Variants in UBE2E1 observed in about 807,000 individuals in gnomAD.
UBE2E1 encodes ubiquitin conjugating enzyme E2 E1, also known as ubiquitin-conjugating enzyme E2 E1.
UBE2E1 carries 6 observed loss-of-function variants against 21.4 expected under a neutral mutation model. The observed-to-expected ratio is 0.28, with a 90% CI of 0.15 to 0.55. The LOEUF is 0.55. Among genes scored for constraint, UBE2E1 ranks in the 20% least tolerant of loss-of-function variants. UBE2E1 has a pLI of 0.93. For synonymous variants in UBE2E1, 87 were observed against 82.7 expected (o/e 1.05, Z -0.28); for missense variants, 142 against 236.5 (o/e 0.60, Z 2.62).
chr3:23,813,909 A>G (rs1699456778), intron 3 of UBE2E1, among the ~76,000 whole-genome samples: 1 of 152,224 alleles, frequency 6.6e-6, no homozygotes, highest in Admixed American at 6.5e-5. Flanking sequence ...AAGTGCGTAC[A>G]TGTTTAAAAT....
chr3:23,853,630 G>T lies in UBE2E1; in HGVS notation c.204-33937G>T, dbSNP rs751988674. ...CAATTCAGTCTTTAAATGCATATAG[G>T]AGAGTTGGAGGGGAGAGGAGACACT... On this transcript the variant is annotated intron_variant, in intron 3 of 5. Transcript: ENST00000306627. This position sits in a 1 kb window ranked among gnomAD's most constrained non-coding sequence, Gnocchi z 4.1. 2.0e-5 allele frequency among the ~76,000 whole-genome samples: 3 copies of T among 152,166 alleles called. No homozygotes were observed. Among genetic ancestry groups the T allele is most frequent in the Non-Finnish European group, 2.9e-5 (2 of 68,000 alleles).
chr3:23,874,827 C>T (rs1432514118), intron 3 of UBE2E1, among the ~76,000 whole-genome samples: 1 of 152,218 alleles, frequency 6.6e-6, no homozygotes, highest in Non-Finnish European at 1.5e-5. Flanking sequence ...ATTCTAATCA[C>T]TGCCGTACCC....
intron 3 of UBE2E1, among the ~76,000 whole-genome samples, chr3:23,812,831 G>C (rs1319254235): frequency 6.6e-6 from 1 of 152,132 alleles, no homozygotes; most frequent in Non-Finnish European, 1.5e-5. Context: ...ATTCCCCAAG[G>C]TGGTTCTGTG....
intron 3 of UBE2E1, among the ~76,000 whole-genome samples, chr3:23,875,752 TC>T (rs1443869799): frequency 2.0e-5 from 3 of 152,202 alleles, no homozygotes; most frequent in Non-Finnish European, 4.4e-5. Flanking sequence ...CAGTATAACT[TC>T]CTTGATACAG....
At chr3:23,877,599 G>A (rs1415199151) in intron 3 of UBE2E1, among the ~76,000 whole-genome samples, 2 of 152,190 alleles carry the variant, frequency 1.3e-5, no homozygotes, top group Non-Finnish European at 2.9e-5. Context: ...GGGTGGGGTA[G>A]GAGGCAAAAT....
At chr3:23,873,183 G>A (rs73825170) in intron 3 of UBE2E1, among the ~76,000 whole-genome samples, 27,390 of 151,180 alleles carry the variant, frequency 0.18, 2,493 homozygotes, top group Non-Finnish European at 0.2. Flanking sequence ...CAGTACAAAT[G>A]TGAGAAAATG....
chr3:23,839,515 C>T (rs1158794267), intron 3 of UBE2E1, among the ~76,000 whole-genome samples: 1 of 151,612 alleles, frequency 6.6e-6, no homozygotes, highest in Non-Finnish European at 1.5e-5. Context: ...TTTATATTTT[C>T]CACACATTTA....
chr3:23,809,135 A>G (rs1699336177), intron 2 of UBE2E1, among the ~76,000 whole-genome samples: 1 of 152,184 alleles, frequency 6.6e-6, no homozygotes, highest in Non-Finnish European at 1.5e-5. Context: ...ACAAATAGTA[A>G]TTTTACCTAT....
chr3:23,868,835 G>A (rs1363565251), intron 3 of UBE2E1, among the ~76,000 whole-genome samples: 2 of 151,768 alleles, frequency 1.3e-5, no homozygotes, highest in Non-Finnish European at 2.9e-5. Flanking sequence ...TTACAAAAAT[G>A]TTTGTTTTGC....
At chr3:23,869,849 A>C (rs1166013527) in intron 3 of UBE2E1, among the ~76,000 whole-genome samples, 1 of 152,038 alleles carries the variant, frequency 6.6e-6, no homozygotes, top group African/African-American at 2.4e-5. Flanking sequence ...CGCCCAAATT[A>C]TCAGTTATTC....
chr3:23,886,316 G>A (rs1350754332), intron 3 of UBE2E1, among the ~76,000 whole-genome samples: 1 of 152,200 alleles, frequency 6.6e-6, no homozygotes, highest in Non-Finnish European at 1.5e-5. Flanking sequence ...AGATACCCAT[G>A]GGTGTGTTGC....
At chr3:23,879,751 G>T (rs1700994404) in intron 3 of UBE2E1, among the ~76,000 whole-genome samples, 1 of 152,204 alleles carries the variant, frequency 6.6e-6, no homozygotes, top group Non-Finnish European at 1.5e-5. Context: ...CAGTCCGCAA[G>T]TCTGTTTCTA....
rs947985805 is a variant in UBE2E1 at position 23,810,645 on chromosome 3, G to C, written c.153-815G>C. The C allele has an allele frequency of 2.1e-6, 2 of 973,124 alleles. No individual in the cohort carries two copies. Among genetic ancestry groups the C allele is most frequent in the African/African-American group, 1.7e-5 (1 of 57,256 alleles). The allele number at this position is 973,124 out of a possible 1,614,324, so 60.3% of individuals were successfully genotyped here. On this transcript the variant is annotated intron_variant, in intron 2 of 5. Transcript: ENST00000306627. This position sits in a 1 kb window ranked among gnomAD's most constrained non-coding sequence, Gnocchi z 5.8. ...TCTGTGGTGCCCGAGTGGCGGGCGGGGGTGTTCGCGCCCTGCTTTCGCGCG... is the reference window on the plus strand; with the variant it reads ...TCTGTGGTGCCCGAGTGGCGGGCGGCGGTGTTCGCGCCCTGCTTTCGCGCG...
chr3:23,879,738 C>T (rs1032096618), intron 3 of UBE2E1, among the ~76,000 whole-genome samples: 12 of 152,188 alleles, frequency 7.9e-5, no homozygotes, highest in Non-Finnish European at 1.2e-4. Context: ...AGTGCTCGCC[C>T]AGCAGTCCGC....
chr3:23,890,159 G>C (rs1701346887), intron 5 of UBE2E1, among the ~76,000 whole-genome samples: 3 of 152,148 alleles, frequency 2.0e-5, no homozygotes, highest in Non-Finnish European at 2.9e-5. Flanking sequence ...CATGAACACA[G>C]CTGGATGTTC....
intron 3 of UBE2E1, among the ~76,000 whole-genome samples, chr3:23,837,801 T>C (rs557100140): frequency 6.6e-6 from 1 of 152,314 alleles, no homozygotes; most frequent in African/African-American, 2.4e-5. Context: ...TGAGGAACTT[T>C]TGGCATGTGG....
At chr3:23,875,502 G>T (rs138673580) in intron 3 of UBE2E1, among the ~76,000 whole-genome samples, 128 of 152,252 alleles carry the variant, frequency 8.4e-4, no homozygotes, top group African/African-American at 2.9e-3. Context: ...AGCTTCCATA[G>T]GCCACAAATC....
In UBE2E1 at chr3:23,810,796, GGC is replaced by G. The variant is rs530115137; in HGVS notation, c.153-656_153-655del. On this transcript the variant is annotated intron_variant, in intron 2 of 5. Transcript: ENST00000306627. The surrounding 1 kb of genome is among the most constrained non-coding windows in gnomAD (Gnocchi z 5.8). ...CACCGGCGCGGCGCGAGCCGTCGGG[GGC>G]GCGCGCGGGGTGGGGGCGGCGTGGC... 1.2e-3 allele frequency: 257 copies of G among 214,404 alleles called. No homozygotes were observed. The highest frequency in any genetic ancestry group is 5.5e-3 in the African/African-American group (237 of 43,316). The allele number at this position is 214,404 out of a possible 1,614,324, so 13.3% of individuals were successfully genotyped here.
chr3:23,865,086 G>A (rs150734665), intron 3 of UBE2E1, among the ~76,000 whole-genome samples: 25 of 152,308 alleles, frequency 1.6e-4, no homozygotes, highest in African/African-American at 6.0e-4. Flanking sequence ...AGTTACTGTG[G>A]GTCAGGAATC....
Sources: gnomAD v4.1 joint callset for allele counts (sites outside exome capture counted in the v4.1 genomes callset) on GRCh38, gnomAD v4.1.1 for gene constraint, Gnocchi (gnomAD v3.1) non-coding constraint, MANE v1.5 for transcripts, NCBI Gene and HGNC (gene_info 2026-07-23, HGNC 2026-07-21) for gene names.